The following RALGDS variants were observed in gnomAD, a reference collection of about 807,000 sequenced individuals.
The protein encoded by RALGDS is ral guanine nucleotide dissociation stimulator, also known as ral guanine nucleotide exchange factor.
In RALGDS, 44 loss-of-function variants were observed where a neutral mutation model predicts 99.8. That is an observed-to-expected ratio of 0.44 (90% CI 0.35 to 0.57). The LOEUF (loss-of-function observed/expected upper bound fraction) is 0.57, where lower values mean the gene tolerates loss of function less well. Ranked by LOEUF, RALGDS falls within the 20% of genes least tolerant of loss-of-function variation. RALGDS has a pLI of 0.01. For missense variants in RALGDS, 1,022 were observed against 1,203.1 expected (o/e 0.85, Z 2.23); for synonymous variants, 529 against 505.0 (o/e 1.05, Z -0.64).
At chr9:133,133,057 C>G (rs958217842), upstream of RALGDS, among the ~76,000 whole-genome samples, 3 of 152,206 alleles carry the variant, frequency 2.0e-5, no homozygotes, top group African/African-American at 2.4e-5. Context: ...CTCCCGGGTA[C>G]CAGGCCCTCT....
intron 1 of RALGDS, among the ~76,000 whole-genome samples, chr9:133,139,661 G>GA (rs71503322): frequency 1.3e-5 from 2 of 152,160 alleles, no homozygotes; most frequent in Non-Finnish European, 2.9e-5. Context: ...TCCCCTACCT[G>GA]AAAAAAACCT....
intron 1 of RALGDS, among the ~76,000 whole-genome samples, chr9:133,113,900 G>A (rs1831470309): frequency 6.6e-6 from 1 of 152,200 alleles, no homozygotes; most frequent in Non-Finnish European, 1.5e-5. Flanking sequence ...GCCCGCCACA[G>A]GGGACTAAAC....
At chr9:133,112,628 C>A (rs966205721) in intron 1 of RALGDS, among the ~76,000 whole-genome samples, 5 of 152,172 alleles carry the variant, frequency 3.3e-5, no homozygotes, top group Admixed American at 3.3e-4. Context: ...CCCCTACCTC[C>A]CCAGGGCCAG....
intron 5 of RALGDS, 65 bp downstream of exon 5, chr9:133,108,608 C>G: frequency 6.3e-7 from 1 of 1,587,992 alleles, no homozygotes; most frequent in Non-Finnish European, 8.6e-7. Context: ...GGAGCCTCCT[C>G]TTCGTGTGGC....
Position 133,098,136 on chromosome 9 carries a change from T to G in RALGDS, c.*451A>C. On this transcript the variant is annotated 3_prime_UTR_variant, in exon 18 of 18. Coordinates refer to ENST00000372050, the MANE Select transcript of RALGDS (RefSeq NM_006266.4). ...TGGTGCAGCCTGAGAAAGGCTAGAG[T>G]GGTGGGAGGGGCCGGGACCCCTGCG... The G allele has an allele frequency of 3.5e-6, 1 of 281,918 alleles. No individual in the cohort carries two copies. Among genetic ancestry groups the G allele is most frequent in the South Asian group, 7.6e-5 (1 of 13,112 alleles). 17.5% of individuals were successfully genotyped at this position (281,918 alleles called of 1,614,324 possible).
At chr9:133,146,339 C>T (rs949138487) in intron 1 of RALGDS, among the ~76,000 whole-genome samples, 8 of 152,132 alleles carry the variant, frequency 5.3e-5, no homozygotes, top group South Asian at 2.1e-4. Flanking sequence ...AGGCACCTGC[C>T]GAGACACCCA....
At chr9:133,100,119 A>T (rs1463472548) in intron 17 of RALGDS, 149 bp downstream of exon 17, 1 of 776,976 alleles carries the variant, frequency 1.3e-6, no homozygotes, top group Non-Finnish European at 2.3e-6. Context: ...GACAGCAAGC[A>T]GACAATGGGG....
At chr9:133,109,522 C>G in intron 4 of RALGDS, 104 bp downstream of exon 4, 1 of 1,057,570 alleles carries the variant, frequency 9.5e-7, no homozygotes, top group South Asian at 1.3e-5. Context: ...GGTGTGGGAG[C>G]CAGGGTTCTG....
At chr9:133,131,246 G>A (rs1832324900), upstream of RALGDS, 1 of 907,098 alleles carries the variant, frequency 1.1e-6, no homozygotes, top group Non-Finnish European at 1.4e-6. Context: ...CCACCCTCAG[G>A]GTGGAGACTC....
At chr9:133,121,250 C>A (rs1163688703), upstream of RALGDS, 1 of 982,138 alleles carries the variant, frequency 1.0e-6, no homozygotes, top group Admixed American at 6.3e-5. Flanking sequence ...TGTGAGCCCG[C>A]GGCCCGGCCC....
chr9:133,102,333 G>T, intron 14 of RALGDS, 143 bp downstream of exon 14: 1 of 1,098,690 alleles, frequency 9.1e-7, no homozygotes, highest in Non-Finnish European at 1.3e-6. Flanking sequence ...AAAAAGGTGA[G>T]GGGACTCATC....
intron 1 of RALGDS, among the ~76,000 whole-genome samples, chr9:133,139,889 G>T (rs886617301): frequency 6.6e-6 from 1 of 152,188 alleles, no homozygotes; most frequent in Non-Finnish European, 1.5e-5. Flanking sequence ...GGCAATGGGG[G>T]TACAGAGGAG....
At chr9:133,118,366 T>C (rs1474256402) in intron 1 of RALGDS, among the ~76,000 whole-genome samples, 2 of 152,212 alleles carry the variant, frequency 1.3e-5, no homozygotes, top group Admixed American at 6.5e-5. Flanking sequence ...AGATGCTCCC[T>C]GTGAATACAG....
chr9:133,111,298 TTTG>T (rs1223059257), intron 2 of RALGDS, among the ~76,000 whole-genome samples: 1 of 151,058 alleles, frequency 6.6e-6, no homozygotes, highest in Non-Finnish European at 1.5e-5. Flanking sequence ...GTGGCACTGT[TTTG>T]TTTTGTTTTG....
intron 1 of RALGDS, among the ~76,000 whole-genome samples, chr9:133,138,430 G>A (rs1832461324): frequency 6.6e-6 from 1 of 152,170 alleles, no homozygotes; most frequent in South Asian, 2.1e-4. Flanking sequence ...GGACAGCAAG[G>A]TACCAGCTGC....
chr9:133,102,038 G>A lies in RALGDS; in HGVS notation c.2111C>T (p.Ala704Val). Residue 704 changes from alanine (A) to valine (V), a missense_variant, in exon 15 of 18, where the codon GCT (alanine) becomes GTT (valine). By Grantham distance (64) the Ala-to-Val change is moderately conservative. Around this residue, in one of 3 missense-constraint regions of RALGDS, gnomAD observed 825 missense variants for 994.5 expected, o/e 0.83. Transcript: ENST00000372050. ...CGPYLSSGDIADALSVHSAGS... is the reference protein window; with the variant it reads ...CGPYLSSGDIVDALSVHSAGS... ...GGCCGAGTGCACGCTGAGCGCGTCA[G>A]CGATGTCCCCGCTGCTGAGGTAGGG... 1 of 1,557,892 alleles carries A rather than the reference G, an allele frequency of 6.4e-7. No individual in the cohort carries two copies. The highest frequency in any genetic ancestry group is 8.7e-7 in the Non-Finnish European group (1 of 1,150,426).
At position 133,108,412 on chromosome 9, in the gene RALGDS, AGAG is replaced by A; in HGVS notation, c.779-9_779-7del. The A allele has an allele frequency of 6.5e-7, 1 of 1,535,474 alleles. No homozygotes were observed. Among genetic ancestry groups the A allele is most frequent in the Non-Finnish European group, 8.7e-7 (1 of 1,146,226 alleles). On this transcript the variant is annotated splice_polypyrimidine_tract_variant and splice_region_variant and intron_variant, in intron 5 of 17. Coordinates refer to ENST00000372050, the MANE Select transcript of RALGDS (RefSeq NM_006266.4). The stretch of plus-strand genomic sequence containing the variant: ...AGCTGGCACTGGTGACAGAGCTGCA[AGAG>A]GAGAAAAGTTCAACAACATGCCAGC...
chr9:133,132,528 C>T (rs1279069913), upstream of RALGDS, among the ~76,000 whole-genome samples: 1 of 152,188 alleles, frequency 6.6e-6, no homozygotes, highest in African/African-American at 2.4e-5. Context: ...ACCTCGCAGC[C>T]TAGCCCCGTA....
At chr9:133,148,055 C>G (rs749516257) in intron 1 of RALGDS, among the ~76,000 whole-genome samples, 6 of 152,156 alleles carry the variant, frequency 3.9e-5, no homozygotes, top group Admixed American at 6.5e-5. Context: ...GCCCTTCAGC[C>G]CCCCCGGCTT....
Sources: allele counts gnomAD v4.1 joint callset (sites outside exome capture counted in the v4.1 genomes callset), GRCh38; gene constraint gnomAD v4.1.1; regional missense constraint gnomAD v4.1.1; transcripts MANE v1.5; gene names NCBI Gene and HGNC (gene_info 2026-07-23, HGNC 2026-07-21).